Variants in SNTG2 observed in about 807,000 individuals in gnomAD.
SNTG2 encodes the protein syntrophin gamma 2.
In SNTG2, 74 loss-of-function variants were observed where a neutral mutation model predicts 70.9. The ratio of observed to expected loss-of-function variants is 1.04; its 90% CI spans 0.86 to 1.27. SNTG2 has a LOEUF of 1.27. SNTG2 is among the 50% of genes most tolerant of loss of function. SNTG2 has a pLI of 0.00. For synonymous variants in SNTG2, 278 were observed against 273.8 expected (o/e 1.02, Z -0.15); for missense variants, 717 against 690.7 (o/e 1.04, Z -0.43).
intron 8 of SNTG2, among the ~76,000 whole-genome samples, chr2:1,173,566 A>G (rs1250907306): frequency 1.3e-5 from 2 of 152,286 alleles, no homozygotes; most frequent in Middle Eastern, 3.2e-3. Flanking sequence ...TGAACACTGT[A>G]TAATGCAGTG....
intron 16 of SNTG2, among the ~76,000 whole-genome samples, chr2:1,350,230 A>G (rs945572937): frequency 1.3e-5 from 2 of 151,804 alleles, no homozygotes; most frequent in African/African-American, 4.8e-5. Flanking sequence ...AGGGGAACTG[A>G]CTCTGCAGAG....
At position 1,353,017 on chromosome 2, in the gene SNTG2, G is replaced by A. The variant is rs867718739; in HGVS notation, c.1489-14326G>A. ...CTGCCTCACAAAGACATCACCTCCC[G>A]GCTGCACAGTTGCCCAGCGTGTTCC... On this transcript the variant is annotated intron_variant, in intron 16 of 16. Transcript: ENST00000308624. The surrounding 1 kb of genome is among the most constrained non-coding windows in gnomAD (Gnocchi z 4.2). Among the ~76,000 whole-genome samples the A allele has an allele frequency of 5.9e-5, 9 of 152,050 alleles. No homozygotes were observed. Among genetic ancestry groups the A allele is most frequent in the African/African-American group, 1.4e-4 (6 of 41,388 alleles).
At chr2:1,047,801 T>C (rs1284207838) in intron 1 of SNTG2, among the ~76,000 whole-genome samples, 1 of 152,186 alleles carries the variant, frequency 6.6e-6, no homozygotes, top group Non-Finnish European at 1.5e-5. Flanking sequence ...CATTCAAGTG[T>C]TGGCTGTATA....
At chr2:1,291,249 G>A (rs1558183025) in intron 14 of SNTG2, among the ~76,000 whole-genome samples, 2 of 152,108 alleles carry the variant, frequency 1.3e-5, no homozygotes, top group Admixed American at 6.5e-5. Flanking sequence ...ATGTATTCTA[G>A]ACATCAACCC....
chr2:1,215,247 A>G (rs953455427), intron 9 of SNTG2, among the ~76,000 whole-genome samples: 2 of 152,218 alleles, frequency 1.3e-5, no homozygotes, highest in African/African-American at 2.4e-5. Flanking sequence ...TGCTGGCCTC[A>G]TAAAGGTGAG....
chr2:1,277,517 TTACAG>T (rs753551668), intron 14 of SNTG2, among the ~76,000 whole-genome samples: 8 of 152,354 alleles, frequency 5.3e-5, no homozygotes, highest in East Asian at 1.9e-4. Flanking sequence ...ACTTCATAGA[TTACAG>T]TATAGTGTAA....
chr2:1,335,544 G>A (rs1360036234), intron 16 of SNTG2, among the ~76,000 whole-genome samples: 1 of 152,130 alleles, frequency 6.6e-6, no homozygotes, highest in Non-Finnish European at 1.5e-5. Context: ...TCTGGGCCCA[G>A]GGAAAACCAA....
At chr2:1,073,288 A>G (rs190583649) in intron 1 of SNTG2, among the ~76,000 whole-genome samples, 13 of 152,320 alleles carry the variant, frequency 8.5e-5, no homozygotes, top group African/African-American at 2.6e-4. Context: ...GCACACTTCA[A>G]TGTTGTCTTA....
At chr2:1,236,506 C>G (rs1054763091) in intron 9 of SNTG2, among the ~76,000 whole-genome samples, 3 of 152,230 alleles carry the variant, frequency 2.0e-5, no homozygotes, top group African/African-American at 7.2e-5. Context: ...ACAGTCACCT[C>G]CACCTTCACC....
At chr2:963,417 C>T (rs1660420401) in intron 1 of SNTG2, among the ~76,000 whole-genome samples, 1 of 152,022 alleles carries the variant, frequency 6.6e-6, no homozygotes, top group South Asian at 2.1e-4. Context: ...AACATTAGTT[C>T]TTCTGGGAAA....
chr2:1,095,481 T>C (rs1665332480), intron 2 of SNTG2, among the ~76,000 whole-genome samples: 1 of 152,230 alleles, frequency 6.6e-6, no homozygotes, highest in Non-Finnish European at 1.5e-5. Context: ...CACATTCCAG[T>C]AAACATATAT....
intron 1 of SNTG2, among the ~76,000 whole-genome samples, chr2:1,024,950 G>GAT (rs1402038175): frequency 1.3e-5 from 2 of 152,108 alleles, no homozygotes. Context: ...TAAATGGCAG[G>GAT]ATATAATGTT....
At chr2:1,168,605 A>C (rs1469939580) in intron 7 of SNTG2, among the ~76,000 whole-genome samples, 2 of 152,248 alleles carry the variant, frequency 1.3e-5, no homozygotes, top group Admixed American at 6.5e-5. Flanking sequence ...CTTCCTGAGC[A>C]ACCAGGAACA....
chr2:1,095,137 T>A (rs1001555726), intron 2 of SNTG2, among the ~76,000 whole-genome samples: 1 of 152,090 alleles, frequency 6.6e-6, no homozygotes, highest in Non-Finnish European at 1.5e-5. Flanking sequence ...TCTTTTCCTG[T>A]TCCAACCCTA....
At chr2:1,152,511 T>C (rs568393539) in intron 6 of SNTG2, among the ~76,000 whole-genome samples, 4 of 152,200 alleles carry the variant, frequency 2.6e-5, no homozygotes, top group Non-Finnish European at 5.9e-5. Flanking sequence ...TCGGTGTGTG[T>C]GTACATGTGT....
intron 4 of SNTG2, among the ~76,000 whole-genome samples, chr2:1,110,990 C>T (rs534381562): frequency 6.6e-6 from 1 of 152,332 alleles, no homozygotes; most frequent in Non-Finnish European, 1.5e-5. Context: ...TTAGGTCTAA[C>T]TTTCCTAACT....
intron 1 of SNTG2, among the ~76,000 whole-genome samples, chr2:968,141 C>T (rs57991119): frequency 2.7e-3 from 333 of 123,338 alleles, no homozygotes; most frequent in African/African-American, 0.01. Context: ...TTATTTCAAG[C>T]GTTTTTTTTT....
intron 11 of SNTG2, among the ~76,000 whole-genome samples, chr2:1,244,265 TG>T (rs1677257606): frequency 6.6e-6 from 1 of 152,238 alleles, no homozygotes; most frequent in Admixed American, 6.5e-5. Flanking sequence ...GCTCGTTTTT[TG>T]TTTCGTTCTT....
At chr2:1,282,232 G>T (rs1679578527) in intron 14 of SNTG2, among the ~76,000 whole-genome samples, 1 of 152,154 alleles carries the variant, frequency 6.6e-6, no homozygotes, top group African/African-American at 2.4e-5. Context: ...AATTGCACTT[G>T]TAGGGGAGTA....
Sources: gnomAD v4.1 joint callset for allele counts (sites outside exome capture counted in the v4.1 genomes callset) on GRCh38, gnomAD v4.1.1 for gene constraint, Gnocchi (gnomAD v3.1) non-coding constraint, MANE v1.5 for transcripts, NCBI Gene and HGNC (gene_info 2026-07-23, HGNC 2026-07-21) for gene names.